LMTK3: variants seen among roughly 807,000 people sequenced by gnomAD.
The protein encoded by LMTK3 is lemur tail kinase 3.
LMTK3 carries 27 observed loss-of-function variants against 116.7 expected under a neutral mutation model. The ratio of observed to expected loss-of-function variants is 0.23; its 90% CI spans 0.17 to 0.32. LMTK3 has a LOEUF of 0.32. Ranked by LOEUF, LMTK3 falls within the 10% of genes least tolerant of loss-of-function variation. The pLI is 1.00. For missense variants in LMTK3, 1,764 were observed against 2,068.5 expected (o/e 0.85, Z 2.86); for synonymous variants, 965 against 971.0 (o/e 0.99, Z 0.11).
chr19:48,491,509 C>A lies in LMTK3; in HGVS notation c.4123G>T (p.Ala1375Ser). 7.1e-7 allele frequency: 1 copy of A among 1,399,554 alleles called. No homozygotes were observed. The highest frequency in any genetic ancestry group is 2.8e-5 in the East Asian group (1 of 35,206). 86.7% of individuals were successfully genotyped at this position (1,399,554 alleles called of 1,614,324 possible). A position where few individuals can be genotyped will look rare whatever the true frequency, so the allele number is the denominator to read the frequency against. ...GGGTCCGTGTCCCCCTCGGGGGGGG[C>A]CTGGACGCTCAGCTCGTTGGTTGGC... is the stretch of plus-strand genomic sequence containing the variant. ...ETPTNELSVQ[A>S]PPEGDTDPST... is the part of the protein sequence containing the mutation. The change falls in exon 13 of 15, where the codon GCC becomes TCC. Residue 1375 changes from alanine (A) to serine (S), a missense_variant. Ala to Ser is a moderately conservative substitution (Grantham distance 99). Coordinates refer to ENST00000600059, the MANE Select transcript of LMTK3 (RefSeq NM_001388485.1). This position sits in a 1 kb window ranked among gnomAD's most constrained non-coding sequence, Gnocchi z 5.1.
intron 14 of LMTK3, among the ~76,000 whole-genome samples, chr19:48,490,484 C>T (rs186016455): frequency 6.7e-6 from 1 of 149,806 alleles, no homozygotes; most frequent in East Asian, 2.0e-4. Context: ...GTAGATTCCA[C>T]CACTCCCTCC....
At chr19:48,492,630 C>T (rs771482871) in intron 12 of LMTK3, among the ~76,000 whole-genome samples, 1 of 152,112 alleles carries the variant, frequency 6.6e-6, no homozygotes, top group African/African-American at 2.4e-5. Flanking sequence ...CATGGCCCTT[C>T]CCTAGTGGGT....
At chr19:48,490,162 G>A (rs140615450) in intron 14 of LMTK3, among the ~76,000 whole-genome samples, 8 of 152,276 alleles carry the variant, frequency 5.3e-5, no homozygotes, top group Admixed American at 1.3e-4. Context: ...CTCAGAGGCC[G>A]CGCAACTGTG....
At chr19:48,495,689 AGAT>A (rs1246182089) in intron 11 of LMTK3, among the ~76,000 whole-genome samples, 1 of 152,224 alleles carries the variant, frequency 6.6e-6, no homozygotes, top group Non-Finnish European at 1.5e-5. Context: ...TCCTCTATGG[AGAT>A]GATAACTGTT....
intron 14 of LMTK3, among the ~76,000 whole-genome samples, chr19:48,488,111 T>C (rs1217973594): frequency 1.3e-5 from 2 of 152,092 alleles, no homozygotes. Flanking sequence ...TCCTGGTGAT[T>C]AAAGGTGAAG....
At chr19:48,510,196 G>A (rs775865080) in intron 2 of LMTK3, 23 bp from the exon 3 acceptor site, 34 of 1,604,082 alleles carry the variant, frequency 2.1e-5, no homozygotes, top group Non-Finnish European at 1.7e-6. Flanking sequence ...GAGGAGAAGA[G>A]GGGTGGGAGA....
chr19:48,496,069 C>T (rs559054855), intron 11 of LMTK3, among the ~76,000 whole-genome samples: 1 of 152,266 alleles, frequency 6.6e-6, no homozygotes, highest in South Asian at 2.1e-4. Flanking sequence ...GATGCCTTAG[C>T]TTACTGGAAA....
At position 48,502,493 on chromosome 19, in the gene LMTK3, C is replaced by T; in HGVS notation, c.734G>A (p.Arg245Lys). 1 of 1,611,008 alleles carries T rather than the reference C, an allele frequency of 6.2e-7. No homozygotes were observed. The highest frequency in any genetic ancestry group is 1.1e-5 in the South Asian group (1 of 90,974). Residue 245 changes from arginine (R) to lysine (K), a missense_variant, in exon 7 of 15, where the codon AGG (arginine) becomes AAG (lysine). Arg to Lys is a conservative substitution (Grantham distance 26). This residue lies in a region of LMTK3 where 271 missense variants were observed against 478.2 expected (regional missense o/e 0.57). Coordinates refer to ENST00000600059, the MANE Select transcript of LMTK3 (RefSeq NM_001388485.1). The part of the protein sequence containing the change: ...LPPRDLRTLQ[R>K]MGLEIARGLA... ...CCCGCGGGCGATCTCCAGGCCCATC[C>T]TCTGCAGCGTCCGCAGGTCTCGAGG...
intron 14 of LMTK3, among the ~76,000 whole-genome samples, chr19:48,486,578 C>G (rs981557636): frequency 1.3e-5 from 2 of 152,046 alleles, no homozygotes; most frequent in African/African-American, 4.8e-5. Context: ...TGCTCTGTTG[C>G]CCAGACTGGA....
At chr19:48,489,791 A>G (rs754753588) in intron 14 of LMTK3, among the ~76,000 whole-genome samples, 6 of 152,214 alleles carry the variant, frequency 3.9e-5, no homozygotes, top group Non-Finnish European at 7.3e-5. Context: ...TGGCAGGGAC[A>G]ATATCTGGAC....
rs1029201528 is a variant in LMTK3, at chr19:48,489,912, C to T, written c.4366+1196G>A. ...GCCGAGCTGGGCACAAGCCCTGGGT[C>T]CTGGGGGTGTTCCCTGGCTCGGCAG... is the stretch of plus-strand genomic sequence containing the variant. On this transcript the variant is annotated intron_variant, in intron 14 of 14. Transcript: ENST00000600059. 3.1e-4 allele frequency among the ~76,000 whole-genome samples: 47 copies of T among 152,196 alleles called. 1 individual carries two copies. The highest frequency in any genetic ancestry group is 6.5e-5 in the Admixed American group (1 of 15,282).
rs1448454395 is a variant in LMTK3 at position 48,494,949 on chromosome 19, T to C, written c.3677-840A>G. Among the ~76,000 whole-genome samples, 2 of 152,022 alleles carry C rather than the reference T, an allele frequency of 1.3e-5. No homozygotes were observed. The highest frequency in any genetic ancestry group is 1.5e-5 in the Non-Finnish European group (1 of 68,014). On this transcript the variant is annotated intron_variant, in intron 11 of 14. Coordinates refer to ENST00000600059, the MANE Select transcript of LMTK3 (RefSeq NM_001388485.1). The surrounding 1 kb of genome is among the most constrained non-coding windows in gnomAD (Gnocchi z 4.0). Reference sequence around the variant, plus strand: ...TCACATCTGCTCAAAAGTCACACTTTTGTTGACCAGACATCTCAGGGTGAT... The same window carrying C: ...TCACATCTGCTCAAAAGTCACACTTCTGTTGACCAGACATCTCAGGGTGAT...
intron 12 of LMTK3, among the ~76,000 whole-genome samples, chr19:48,493,076 C>T (rs1972253975): frequency 6.6e-6 from 1 of 152,098 alleles, no homozygotes; most frequent in Non-Finnish European, 1.5e-5. Context: ...TAGGCTCCGC[C>T]CCCATTCCAG....
chr19:48,509,765 CTG>C (rs1413119057), intron 3 of LMTK3, among the ~76,000 whole-genome samples: 1 of 152,190 alleles, frequency 6.6e-6, no homozygotes, highest in African/African-American at 2.4e-5. Flanking sequence ...GCCTCTGAGA[CTG>C]TGCTCTATGG....
intron 7 of LMTK3, 141 bp from the exon 8 acceptor site, chr19:48,501,703 C>T: frequency 1.2e-6 from 1 of 846,716 alleles, no homozygotes; most frequent in Non-Finnish European, 1.9e-6. Context: ...TCTGTCTCTC[C>T]CCTCTGACTG....
chr19:48,513,264 G>A (rs980572206), upstream of LMTK3: 3 of 1,151,754 alleles, frequency 2.6e-6, no homozygotes, highest in Non-Finnish European at 3.8e-6. This position sits in a 1 kb window ranked among gnomAD's most constrained non-coding sequence, Gnocchi z 5.6. Flanking sequence ...GGTATCGTCC[G>A]CAGCGTTTTA....
At chr19:48,510,962 G>A (rs1451274142) in intron 1 of LMTK3, among the ~76,000 whole-genome samples, 1 of 152,212 alleles carries the variant, frequency 6.6e-6, no homozygotes, top group Non-Finnish European at 1.5e-5. Flanking sequence ...ATTACCCCTC[G>A]TTGGGGAGGA....
rs2147541142 is a variant in LMTK3, at chr19:48,497,693, C to T, written c.3376G>A (p.Gly1126Ser). ...PVGTGTAPGGGPGSGVDAKAG... is the reference protein window; with the variant it reads ...PVGTGTAPGGSPGSGVDAKAG... Reference sequence around the variant, plus strand: ...TTTGCGTCCACGCCGCTTCCGGGGCCGCCGCCGGGGGCCGTCCCCGTGCCC... The same window carrying T: ...TTTGCGTCCACGCCGCTTCCGGGGCTGCCGCCGGGGGCCGTCCCCGTGCCC... Residue 1126 changes from glycine to serine, a missense_variant, in exon 11 of 15, where the codon GGC becomes AGC. Gly to Ser is a moderately conservative substitution (Grantham distance 56). This residue lies in a region of LMTK3 where 1,028 missense variants were observed against 1,050.6 expected (regional missense o/e 0.98). Transcript: ENST00000600059. This position sits in a 1 kb window ranked among gnomAD's most constrained non-coding sequence, Gnocchi z 5.7. 2.3e-6 allele frequency: 3 copies of T among 1,314,468 alleles called. No homozygotes were observed. The highest frequency in any genetic ancestry group is 2.2e-4 in the Middle Eastern group (1 of 4,582). The allele number at this position is 1,314,468 out of a possible 1,614,324, so 81.4% of individuals were successfully genotyped here. A position where few individuals can be genotyped will look rare whatever the true frequency, so the allele number is the denominator to read the frequency against.
At chr19:48,508,010 T>C (rs531455163) in intron 5 of LMTK3, among the ~76,000 whole-genome samples, 42 of 152,046 alleles carry the variant, frequency 2.8e-4, no homozygotes, top group African/African-American at 8.4e-4. Flanking sequence ...CATCCACACC[T>C]GGGGATGAGC....
Sources: allele counts gnomAD v4.1 joint callset (sites outside exome capture counted in the v4.1 genomes callset), GRCh38; gene constraint gnomAD v4.1.1; regional missense constraint gnomAD v4.1.1; non-coding constraint Gnocchi (gnomAD v3.1); transcripts MANE v1.5; gene names NCBI Gene and HGNC (gene_info 2026-07-23, HGNC 2026-07-21).